Variants in DHRSX observed in about 807,000 individuals in gnomAD.
The protein encoded by DHRSX is polyprenol dehydrogenase.
Under a neutral mutation model 34.0 loss-of-function variants are expected in DHRSX, and 31 were observed. The observed-to-expected ratio is 0.91, with a 90% CI of 0.69 to 1.23. DHRSX has a LOEUF of 1.23. DHRSX is among the 50% of genes most tolerant of loss of function. The pLI, the probability that DHRSX is intolerant of heterozygous loss-of-function variation, is 0.00. For missense variants in DHRSX, 414 were observed against 428.1 expected, an observed-to-expected ratio of 0.97 and a Z score of 0.29; for synonymous variants, 201 against 183.8, an observed-to-expected ratio of 1.09 and a Z score of -0.76.
chrX:2,304,051 G>GAACT (rs1190910043), intron 3 of DHRSX, among the ~76,000 whole-genome samples: 1 of 127,608 alleles, frequency 7.8e-6, no homozygotes, highest in Non-Finnish European at 1.8e-5. Context: ...ATGGATGGAT[G>GAACT]GATGGATGGA....
chrX:2,298,614 A>ACACACACATACACACACACACACACG (rs2041968177), intron 3 of DHRSX, among the ~76,000 whole-genome samples: 1 of 82,956 alleles, frequency 1.2e-5, no homozygotes, highest in African/African-American at 4.1e-5. Flanking sequence ...ACACACACAC[A>ACACACACATACACACACACACACACG]CACACACACA....
intron 3 of DHRSX, among the ~76,000 whole-genome samples, chrX:2,324,983 T>C (rs2124538152): frequency 6.7e-6 from 1 of 149,824 alleles, no homozygotes; most frequent in African/African-American, 2.5e-5. Flanking sequence ...GTTTCACTGG[T>C]CAGGCTCGTC....
At chrX:2,398,432 G>A (rs994430065) in intron 3 of DHRSX, among the ~76,000 whole-genome samples, 4 of 152,112 alleles carry the variant, frequency 2.6e-5, no homozygotes, top group Admixed American at 2.6e-4. Flanking sequence ...ACTTTGGGAG[G>A]CTCAGGTAGG....
At chrX:2,334,903 G>A (rs1235859663) in intron 3 of DHRSX, 1 of 152,072 alleles carries the variant, frequency 6.6e-6, no homozygotes, top group Non-Finnish European at 1.5e-5. Context: ...GTTAAGTCCG[G>A]GCGTGGTGGC....
chrX:2,373,076 G>A (rs1445801098), intron 3 of DHRSX, among the ~76,000 whole-genome samples: 3 of 152,286 alleles, frequency 2.0e-5, no homozygotes, highest in South Asian at 2.1e-4. Context: ...TCACAATCAC[G>A]ACGGAAGACG....
intron 6 of DHRSX, among the ~76,000 whole-genome samples, chrX:2,229,595 C>A (rs1234563289): frequency 1.3e-5 from 2 of 151,918 alleles, no homozygotes; most frequent in Non-Finnish European, 2.9e-5. Context: ...CATAGGTACG[C>A]ATTTATGTGG....
chrX:2,481,664 T>TA (rs760453949), intron 1 of DHRSX, among the ~76,000 whole-genome samples: 2,273 of 145,266 alleles, frequency 0.016, 29 homozygotes, highest in Non-Finnish European at 0.024. Flanking sequence ...GAAACTGTCT[T>TA]AAAAAAAAAA....
chrX:2,360,502 G>A (rs942468825), intron 3 of DHRSX, among the ~76,000 whole-genome samples: 1 of 152,144 alleles, frequency 6.6e-6, no homozygotes, highest in African/African-American at 2.4e-5. Context: ...AGAATCGCTT[G>A]AACCCGGGAG....
chrX:2,367,026 CAGCCATTCCCCAGGCTTCAGTTA>C (rs1451462219), intron 3 of DHRSX, among the ~76,000 whole-genome samples: 1 of 152,060 alleles, frequency 6.6e-6, no homozygotes, highest in Non-Finnish European at 1.5e-5. Flanking sequence ...TCACGAACAC[CAGCCATTCCCCAGGCTTCAGTTA>C]AGCCATTCCC....
intron 1 of DHRSX, among the ~76,000 whole-genome samples, chrX:2,459,626 G>A (rs2044374994): frequency 6.9e-6 from 1 of 145,312 alleles, no homozygotes; most frequent in East Asian, 2.1e-4. Flanking sequence ...ATTATTTTTT[G>A]TTAACGAACA....
At chrX:2,349,977 T>C (rs1184251123) in intron 3 of DHRSX, among the ~76,000 whole-genome samples, 4 of 151,358 alleles carry the variant, frequency 2.6e-5, no homozygotes, top group African/African-American at 9.7e-5. Context: ...AGGTGGAGCT[T>C]GCAGTAAGCC....
At chrX:2,300,626 G>C (rs777826816) in intron 3 of DHRSX, among the ~76,000 whole-genome samples, 1 of 152,140 alleles carries the variant, frequency 6.6e-6, no homozygotes, top group Non-Finnish European at 1.5e-5. Flanking sequence ...GCTTTCTCCC[G>C]TGCTGGATGC....
chrX:2,401,257 C>T (rs2043482760), intron 3 of DHRSX, among the ~76,000 whole-genome samples: 1 of 152,038 alleles, frequency 6.6e-6, no homozygotes, highest in Non-Finnish European at 1.5e-5. Flanking sequence ...ATTACAGGCA[C>T]CCGCCACCAT....
At chrX:2,258,377 T>C in intron 5 of DHRSX, among the ~76,000 whole-genome samples, 1 of 151,912 alleles carries the variant, frequency 6.6e-6, no homozygotes, top group East Asian at 1.9e-4. Context: ...ATCTCAAACT[T>C]CTAGCGTCCA....
At chrX:2,442,163 A>G (rs1185927576) in intron 1 of DHRSX, among the ~76,000 whole-genome samples, 1 of 152,172 alleles carries the variant, frequency 6.6e-6, no homozygotes, top group Admixed American at 6.6e-5. Flanking sequence ...AGAGAAAAGA[A>G]AATGCTATTA....
chrX:2,413,248 G>A (rs1046548609), intron 2 of DHRSX, among the ~76,000 whole-genome samples: 1 of 152,048 alleles, frequency 6.6e-6, no homozygotes, highest in African/African-American at 2.4e-5. Context: ...AGGTGCTAGG[G>A]GGGTGGGTTG....
chrX:2,434,704 T>A (rs1287959921), intron 1 of DHRSX, among the ~76,000 whole-genome samples: 11 of 152,130 alleles, frequency 7.2e-5, no homozygotes, highest in Admixed American at 5.2e-4. Context: ...TACATGCATT[T>A]TCTTTTTGGC....
At chrX:2,335,887 T>C (rs2042553709) in intron 3 of DHRSX, among the ~76,000 whole-genome samples, 1 of 152,162 alleles carries the variant, frequency 6.6e-6, no homozygotes, top group Non-Finnish European at 1.5e-5. Context: ...ACTGTCACTA[T>C]GCTTCCATCT....
At chrX:2,363,203 G>A (rs1222635425) in intron 3 of DHRSX, among the ~76,000 whole-genome samples, 13 of 91,970 alleles carry the variant, frequency 1.4e-4, no homozygotes, top group African/African-American at 2.0e-4. Context: ...GTATCATGCC[G>A]CCATTTTATC....
Sources: allele counts gnomAD v4.1 joint callset (sites outside exome capture counted in the v4.1 genomes callset), GRCh38; gene constraint gnomAD v4.1.1; transcripts MANE v1.5; gene names NCBI Gene and HGNC (gene_info 2026-07-23, HGNC 2026-07-21).